EFR3B: variants seen among roughly 807,000 people sequenced by gnomAD.
The protein encoded by EFR3B is EFR3 homolog B.
EFR3B carries 64 observed loss-of-function variants against 104.7 expected under a neutral mutation model. That is an observed-to-expected ratio of 0.61 (90% CI 0.50 to 0.75). The LOEUF is 0.75. EFR3B is among the 30% of genes least tolerant of loss of function. The probability of loss-of-function intolerance (pLI) is 0.00; values close to 1 mark genes in which losing one functional copy is unlikely to be tolerated. For synonymous variants in EFR3B, 385 were observed against 417.9 expected (o/e 0.92, Z 0.96); for missense variants, 750 against 1,078.5 (o/e 0.70, Z 4.27).
chr2:25,117,881 G>T (rs1669905279), intron 4 of EFR3B, among the ~76,000 whole-genome samples: 1 of 152,168 alleles, frequency 6.6e-6, no homozygotes, highest in African/African-American at 2.4e-5. Context: ...TGTACCCTTT[G>T]ACCAACGTCT....
chr2:25,122,576 A>G (rs1670045668), intron 5 of EFR3B, among the ~76,000 whole-genome samples: 1 of 151,806 alleles, frequency 6.6e-6, no homozygotes, highest in Admixed American at 6.6e-5. Context: ...CCAGCACACC[A>G]CAGACACTGC....
Position 25,042,720 on chromosome 2 carries a change from C to T in EFR3B, c.7+401C>T. 1.0e-6 allele frequency: 1 copy of T among 994,456 alleles called. No homozygotes were observed. The highest frequency in any genetic ancestry group is 5.0e-4 in the Middle Eastern group (1 of 1,990). The allele number at this position is 994,456 out of a possible 1,614,324, so 61.6% of individuals were successfully genotyped here. A position where few individuals can be genotyped will look rare whatever the true frequency, so the allele number is the denominator to read the frequency against. On this transcript the variant is annotated intron_variant, in intron 1 of 22. Coordinates refer to ENST00000403714, the MANE Select transcript of EFR3B (RefSeq NM_014971.2). This position sits in a 1 kb window ranked among gnomAD's most constrained non-coding sequence, Gnocchi z 5.4. ...GCCGGTCCAGGGCTGAGGGAGACGC[C>T]CGCGGCCGGTCGTCTGCGCGGCTCG... is the stretch of plus-strand genomic sequence containing the variant.
At chr2:25,133,997 G>C (rs1670452083) in intron 12 of EFR3B, among the ~76,000 whole-genome samples, 1 of 152,126 alleles carries the variant, frequency 6.6e-6, no homozygotes, top group South Asian at 2.1e-4. Context: ...GCCTGAGTGA[G>C]GTCCTGGAAT....
intron 1 of EFR3B, among the ~76,000 whole-genome samples, chr2:25,056,066 C>T (rs987856634): frequency 3.9e-5 from 6 of 152,302 alleles, no homozygotes; most frequent in South Asian, 4.1e-4. Context: ...ACATAGCAGC[C>T]GGTGTTTCCA....
chr2:25,083,809 G>A (rs989741300), intron 1 of EFR3B, among the ~76,000 whole-genome samples: 5 of 152,202 alleles, frequency 3.3e-5, no homozygotes, highest in Non-Finnish European at 4.4e-5. Context: ...ATGCTCTGGT[G>A]GTTTGCAGAC....
At chr2:25,122,221 C>A (rs1395776020) in intron 5 of EFR3B, among the ~76,000 whole-genome samples, 1 of 152,086 alleles carries the variant, frequency 6.6e-6, no homozygotes, top group African/African-American at 2.4e-5. Flanking sequence ...CCCACATCGG[C>A]CTCCCAGAGT....
chr2:25,080,389 T>C (rs548034516), intron 1 of EFR3B: 42 of 515,966 alleles, frequency 8.1e-5, no homozygotes, highest in Non-Finnish European at 1.4e-4. Context: ...CCGCCTCCCA[T>C]GTTCGAGCGA....
At chr2:25,150,300 C>CAAA (rs533611175) in intron 20 of EFR3B, among the ~76,000 whole-genome samples, 6 of 62,772 alleles carry the variant, frequency 9.6e-5, no homozygotes, top group Admixed American at 1.9e-4. Context: ...ACTCCCATCT[C>CAAA]AAAAAAAAAA....
chr2:25,067,420 GTT>G (rs1258144143), intron 1 of EFR3B, among the ~76,000 whole-genome samples: 2 of 142,854 alleles, frequency 1.4e-5, no homozygotes, highest in Non-Finnish European at 3.1e-5. Context: ...CTCCTTTTTA[GTT>G]TTTGTTTTTT....
intron 1 of EFR3B, among the ~76,000 whole-genome samples, chr2:25,079,537 A>G (rs1668731040): frequency 6.6e-6 from 1 of 152,194 alleles, no homozygotes; most frequent in Admixed American, 6.5e-5. Context: ...TGCTTGTCCT[A>G]GTGCTTAGTG....
chr2:25,049,769 CAG>C (rs1482883035), intron 1 of EFR3B, among the ~76,000 whole-genome samples: 1 of 151,654 alleles, frequency 6.6e-6, no homozygotes, highest in Admixed American at 6.6e-5. Context: ...CAGCGAGAGT[CAG>C]GGGGAGCTGC....
chr2:25,061,034 A>G (rs1668178826), intron 1 of EFR3B, among the ~76,000 whole-genome samples: 2 of 152,216 alleles, frequency 1.3e-5, no homozygotes, highest in African/African-American at 2.4e-5. Flanking sequence ...TGGAGAGAAC[A>G]GAGCCAGACA....
chr2:25,154,240 C>A lies in EFR3B; in HGVS notation c.2354C>A (p.Pro785Gln). Residue 785 changes from proline to glutamine, a missense_variant, in exon 23 of 23, where the codon CCA becomes CAA. Coordinates refer to ENST00000403714, the MANE Select transcript of EFR3B (RefSeq NM_014971.2). This position sits in a 1 kb window ranked among gnomAD's most constrained non-coding sequence, Gnocchi z 4.1. The part of the protein sequence containing the change: ...NQIFEITIRP[P>Q]PSPSGTITAA... ...CATGTGTTCCTGCCCCCTAGGCCCC[C>A]ACCAAGCCCATCAGGAACCATCACT... The A allele has an allele frequency of 6.4e-7, 1 of 1,551,858 alleles. No individual in the cohort carries two copies. Among genetic ancestry groups the A allele is most frequent in the Non-Finnish European group, 8.7e-7 (1 of 1,147,022 alleles).
Position 25,046,993 on chromosome 2 carries a change from T to C in EFR3B, c.7+4674T>C, listed in dbSNP as rs566790485. On this transcript the variant is annotated intron_variant, in intron 1 of 22. Transcript: ENST00000403714. ...GCTGTGTGCCCTTCCCCCTCCCACC[T>C]ACCACTCCAACTCCTTTATTCCCCT... Among the ~76,000 whole-genome samples, 128 of 152,312 alleles carry C rather than the reference T, an allele frequency of 8.4e-4. 1 individual carries two copies. Among genetic ancestry groups the C allele is most frequent in the African/African-American group, 3.0e-3 (124 of 41,592 alleles).
chr2:25,153,621 C>A, intron 21 of EFR3B, 91 bp from the exon 22 acceptor site: 1 of 1,310,876 alleles, frequency 7.6e-7, no homozygotes, highest in Non-Finnish European at 1.1e-6. Flanking sequence ...TGCCCTGTAC[C>A]TCCAGCGTAT....
chr2:25,055,960 G>A (rs56386733), intron 1 of EFR3B, among the ~76,000 whole-genome samples: 2 of 151,984 alleles, frequency 1.3e-5, no homozygotes, highest in South Asian at 4.1e-4. Flanking sequence ...TGTTTTTCTA[G>A]CATCTAACCG....
intron 4 of EFR3B, among the ~76,000 whole-genome samples, chr2:25,109,317 CCACTT>C (rs1408998657): frequency 6.6e-6 from 1 of 152,168 alleles, no homozygotes; most frequent in East Asian, 1.9e-4. Context: ...CAACAAGACA[CCACTT>C]CACACCCCCT....
At chr2:25,098,825 T>C (rs911294128) in intron 3 of EFR3B, among the ~76,000 whole-genome samples, 1 of 145,232 alleles carries the variant, frequency 6.9e-6, no homozygotes, top group African/African-American at 2.6e-5. Flanking sequence ...TCCTGGTAAG[T>C]AGCCAATTTT....
chr2:25,148,556 G>A (rs561092927), intron 19 of EFR3B, among the ~76,000 whole-genome samples: 3 of 151,920 alleles, frequency 2.0e-5, no homozygotes, highest in Admixed American at 6.6e-5. Flanking sequence ...CATCCGGCCT[G>A]TCACTTCTAA....
Sources: allele counts gnomAD v4.1 joint callset (sites outside exome capture counted in the v4.1 genomes callset), GRCh38; gene constraint gnomAD v4.1.1; non-coding constraint Gnocchi (gnomAD v3.1); transcripts MANE v1.5; gene names NCBI Gene and HGNC (gene_info 2026-07-23, HGNC 2026-07-21).